TSPAN18: variants seen among roughly 807,000 people sequenced by gnomAD.
TSPAN18 encodes tetraspanin 18.
A neutral mutation model predicts 27.3 loss-of-function variants in TSPAN18; 14 were observed. The observed-to-expected ratio is 0.51, with a 90% CI of 0.34 to 0.80. The LOEUF (loss-of-function observed/expected upper bound fraction) is 0.80, where lower values mean the gene tolerates loss of function less well. Ranked by LOEUF, TSPAN18 falls within the 30% of genes least tolerant of loss-of-function variation. The pLI is 0.01. For synonymous variants in TSPAN18, 143 were observed against 136.5 expected (o/e 1.05, Z -0.33); for missense variants, 268 against 323.9 (o/e 0.83, Z 1.32).
intron 2 of TSPAN18, among the ~76,000 whole-genome samples, chr11:44,845,224 A>C (rs891475212): frequency 1.3e-5 from 2 of 152,214 alleles, no homozygotes; most frequent in Non-Finnish European, 2.9e-5. Flanking sequence ...AAGACATACA[A>C]GTCAACATTC....
chr11:44,867,212 C>T (rs779400245), intron 3 of TSPAN18, among the ~76,000 whole-genome samples: 4 of 151,794 alleles, frequency 2.6e-5, no homozygotes, highest in African/African-American at 4.8e-5. Context: ...TGGTGAGGCC[C>T]GGCACCCTGG....
chr11:44,754,272 A>G (rs1448379483), intron 1 of TSPAN18, among the ~76,000 whole-genome samples: 1 of 152,214 alleles, frequency 6.6e-6, no homozygotes, highest in Non-Finnish European at 1.5e-5. Flanking sequence ...GTCTGAATTA[A>G]TAGCCCCAGT....
At position 44,911,736 on chromosome 11, in the gene TSPAN18, G is replaced by A. The variant is rs112738716; in HGVS notation, c.258+1837G>A. ...TTCTTGGCTGGGAGCAGGCTGGAGC[G>A]GCTCTAGTCTCCTCCAGTAAGTGGC... On this transcript the variant is annotated intron_variant, in intron 5 of 9. Coordinates refer to ENST00000520358, the MANE Select transcript of TSPAN18 (RefSeq NM_130783.5). 4.0e-3 allele frequency among the ~76,000 whole-genome samples: 610 copies of A among 152,118 alleles called. 1 individual carries two copies. The highest frequency in any genetic ancestry group is 7.1e-3 in the Non-Finnish European group (483 of 68,000).
chr11:44,768,581 A>G (rs1446664890), intron 2 of TSPAN18, among the ~76,000 whole-genome samples: 1 of 151,942 alleles, frequency 6.6e-6, no homozygotes, highest in Non-Finnish European at 1.5e-5. Context: ...CTCAATCTGT[A>G]TGCCTTTTCT....
At chr11:44,790,221 GTA>G (rs1431897459) in intron 2 of TSPAN18, among the ~76,000 whole-genome samples, 2 of 151,300 alleles carry the variant, frequency 1.3e-5, no homozygotes, top group Non-Finnish European at 2.9e-5. Context: ...GCATGTTTGT[GTA>G]TGTCCATGTG....
chr11:44,787,587 T>G (rs1374182349), intron 2 of TSPAN18, among the ~76,000 whole-genome samples: 1 of 152,240 alleles, frequency 6.6e-6, no homozygotes, highest in African/African-American at 2.4e-5. Flanking sequence ...TGCCTCTGTT[T>G]CTTTATCTGT....
intron 1 of TSPAN18, among the ~76,000 whole-genome samples, chr11:44,729,761 C>A (rs1424588615): frequency 1.3e-5 from 2 of 152,080 alleles, no homozygotes; most frequent in African/African-American, 4.8e-5. Flanking sequence ...CAGGAAGGAA[C>A]CCTCTGCCCT....
At chr11:44,889,467 G>A (rs539606422) in intron 3 of TSPAN18, among the ~76,000 whole-genome samples, 1 of 152,366 alleles carries the variant, frequency 6.6e-6, no homozygotes, top group African/African-American at 2.4e-5. Context: ...TCTGGAGGCA[G>A]GAGGGTTTCC....
intron 2 of TSPAN18, among the ~76,000 whole-genome samples, chr11:44,855,630 C>T (rs1857715364): frequency 6.6e-6 from 1 of 152,104 alleles, no homozygotes; most frequent in Non-Finnish European, 1.5e-5. Context: ...AAACACAAGT[C>T]TGTATGAGTC....
intron 3 of TSPAN18, among the ~76,000 whole-genome samples, chr11:44,861,156 T>G (rs1256151396): frequency 1.3e-5 from 2 of 151,954 alleles, no homozygotes; most frequent in Admixed American, 1.3e-4. Context: ...CGGTAGCCAC[T>G]CTCCATGTGG....
intron 2 of TSPAN18, among the ~76,000 whole-genome samples, chr11:44,829,474 A>G (rs767742775): frequency 2.0e-5 from 3 of 152,218 alleles, no homozygotes; most frequent in Non-Finnish European, 4.4e-5. Context: ...TTCACTAAGC[A>G]ATATGCATTT....
intron 2 of TSPAN18, among the ~76,000 whole-genome samples, chr11:44,848,494 G>A (rs535370360): frequency 6.6e-6 from 1 of 152,278 alleles, no homozygotes; most frequent in African/African-American, 2.4e-5. Flanking sequence ...AAGCAGCAGG[G>A]GCTCAGAAAC....
In TSPAN18 at chr11:44,908,782, A is replaced by AGAAAGGAAAG. The variant is rs1554938078; in HGVS notation, c.64-918_64-917insGAAAGGAAAG. ...AGAGAGAGAAAGGAGAAAGAAAGAA[A>AGAAAGGAAAG]GAAAGAAAGAAAGAAAGAAAGAAAG... On this transcript the variant is annotated intron_variant, in intron 4 of 9. Coordinates refer to ENST00000520358, the MANE Select transcript of TSPAN18 (RefSeq NM_130783.5). Among the ~76,000 whole-genome samples the AGAAAGGAAAG allele has an allele frequency of 3.1e-3, 356 of 115,520 alleles. 21 individuals are homozygous for AGAAAGGAAAG. The highest frequency in any genetic ancestry group is 4.3e-3 in the East Asian group (18 of 4,166). The allele number at this position is 115,520 out of a possible 152,430, so 75.8% of individuals were successfully genotyped here.
chr11:44,921,415 T>G (rs1349077619), intron 8 of TSPAN18, among the ~76,000 whole-genome samples: 1 of 152,130 alleles, frequency 6.6e-6, no homozygotes, highest in South Asian at 2.1e-4. Context: ...GGGAAGGGAA[T>G]GGTTATCACA....
chr11:44,889,737 G>A (rs1339372707), intron 3 of TSPAN18, among the ~76,000 whole-genome samples: 3 of 152,222 alleles, frequency 2.0e-5, no homozygotes, highest in Non-Finnish European at 4.4e-5. Context: ...TTTTCAGCTT[G>A]CTTGGAGCCC....
intron 5 of TSPAN18, chr11:44,917,751 T>G (rs968885615): frequency 8.6e-6 from 5 of 583,078 alleles, no homozygotes; most frequent in Non-Finnish European, 1.2e-5. Context: ...AAGGTATATA[T>G]TTGTTTATTC....
In TSPAN18 at chr11:44,909,757, C is replaced by T. The variant is rs34282417; in HGVS notation, c.116C>T (p.Thr39Ile). Residue 39 changes from threonine (T) to isoleucine (I), a missense_variant, in exon 5 of 10, where the codon ACC (threonine) becomes ATC (isoleucine). Physicochemically the swap from Thr to Ile is moderately conservative, Grantham distance 89. Transcript: ENST00000520358. The stretch of plus-strand genomic sequence containing the variant: ...GGCATCTGGGTCATGGTGGACCCCA[C>T]CGGCTTCCGGGAGATCGTGGCTGCC... ...AIGIWVMVDP[T>I]GFREIVAANP... The T allele has an allele frequency of 5.9e-4, 957 of 1,613,654 alleles. 9 individuals are homozygous for T. The African/African-American group carries it at 0.012, about 20-fold the overall frequency.
At chr11:44,833,547 G>A (rs1230770722) in intron 2 of TSPAN18, among the ~76,000 whole-genome samples, 1 of 152,098 alleles carries the variant, frequency 6.6e-6, no homozygotes, top group African/African-American at 2.4e-5. Context: ...ATCGTTATTT[G>A]AATGATTTTT....
chr11:44,731,192 C>T (rs897410074), intron 1 of TSPAN18, among the ~76,000 whole-genome samples: 1 of 152,178 alleles, frequency 6.6e-6, no homozygotes, highest in Non-Finnish European at 1.5e-5. Context: ...GGTGTTCCAG[C>T]CCTGATACTG....
Sources: allele counts gnomAD v4.1 joint callset (sites outside exome capture counted in the v4.1 genomes callset), GRCh38; gene constraint gnomAD v4.1.1; transcripts MANE v1.5; gene names NCBI Gene and HGNC (gene_info 2026-07-23, HGNC 2026-07-21).